The following RNF141 variants were observed in gnomAD, a reference collection of about 807,000 sequenced individuals.
RNF141 encodes the protein C3HC4-like zinc finger protein.
A neutral mutation model predicts 27.4 loss-of-function variants in RNF141; 18 were observed. That is an observed-to-expected ratio of 0.66 (90% CI 0.45 to 0.97). The LOEUF (loss-of-function observed/expected upper bound fraction) is 0.97, where lower values mean the gene tolerates loss of function less well. RNF141 is among the 50% of genes least tolerant of loss of function. RNF141 has a pLI of 0.00. For missense variants in RNF141, 230 were observed against 279.4 expected (o/e 0.82, Z 1.26); for synonymous variants, 97 against 96.6 (o/e 1.00, Z -0.02).
At chr11:10,526,512 G>A (rs1201695444) in intron 3 of RNF141, among the ~76,000 whole-genome samples, 3 of 152,124 alleles carry the variant, frequency 2.0e-5, no homozygotes, top group South Asian at 2.1e-4. Flanking sequence ...GGCCAGGCAC[G>A]GTGGCTCATG....
At chr11:10,527,769 G>A (rs1175785039) in intron 3 of RNF141, among the ~76,000 whole-genome samples, 1 of 152,192 alleles carries the variant, frequency 6.6e-6, no homozygotes, top group Non-Finnish European at 1.5e-5. Context: ...CAGAAGCAGG[G>A]CAAGAGAAGC....
intron 3 of RNF141, among the ~76,000 whole-genome samples, chr11:10,527,854 C>T (rs79433429): frequency 0.084 from 12,822 of 151,854 alleles, 659 homozygotes; most frequent in Admixed American, 0.14. Flanking sequence ...GTGGTAGTAG[C>T]GTAGATGGTG....
chr11:10,520,730 A>G (rs901482650), intron 4 of RNF141, among the ~76,000 whole-genome samples: 2 of 152,256 alleles, frequency 1.3e-5, no homozygotes, highest in Non-Finnish European at 2.9e-5. Context: ...AGGTTTGTTT[A>G]CACCAGCATC....
At chr11:10,532,148 T>C in intron 2 of RNF141, 1 of 242,616 alleles carries the variant, frequency 4.1e-6, no homozygotes, top group Non-Finnish European at 8.3e-6. Flanking sequence ...ACAGGGTTTA[T>C]GAATATAAAT....
rs1404741424 is a variant in RNF141 at position 10,534,023 on chromosome 11, T to G, written c.136A>C (p.Asn46His). ...AAAAAGAGCAAGCCTTACACATCAT[T>G]AAGCTCAGCTACTCTCCCAAGAAAT... Reference protein sequence around the residue: ...EEFLGRVAELNDVTAKVASGQ... With the variant: ...EEFLGRVAELHDVTAKVASGQ... Residue 46 changes from asparagine to histidine, a missense_variant, in exon 2 of 6, where the codon AAT becomes CAT. Coordinates refer to ENST00000265981, the MANE Select transcript of RNF141 (RefSeq NM_016422.4). 4.3e-6 allele frequency: 7 copies of G among 1,613,180 alleles called. No homozygotes were observed. The highest frequency in any genetic ancestry group is 5.9e-6 in the Non-Finnish European group (7 of 1,179,512).
At chr11:10,527,007 C>T (rs1022974136) in intron 3 of RNF141, among the ~76,000 whole-genome samples, 3 of 152,150 alleles carry the variant, frequency 2.0e-5, no homozygotes, top group South Asian at 2.1e-4. Context: ...GCTGAGGAAA[C>T]GGGTAGTCCT....
At position 10,525,903 on chromosome 11, in the gene RNF141, T is replaced by C. The variant is rs561364002; in HGVS notation, c.253-530A>G. On this transcript the variant is annotated intron_variant, in intron 3 of 5. Coordinates refer to ENST00000265981, the MANE Select transcript of RNF141 (RefSeq NM_016422.4). ...CTTTTCCCAGAAGGCCATTTTGAGC[T>C]TTATCAAAAAACTCGTTTAATATGA... Among the ~76,000 whole-genome samples, 17 of 152,264 alleles carry C rather than the reference T, an allele frequency of 1.1e-4. 1 individual carries two copies. In the South Asian group the frequency reaches 3.3e-3, roughly 30 times the overall value.
In RNF141 at chr11:10,538,988, A is replaced by G. The variant is rs375147136; in HGVS notation, c.-48+2134T>C. ...TCAAAGAACTAGCAGCTCTCATATT[A>G]TTGTGCCACCTATAACACAGTCATT... On this transcript the variant is annotated intron_variant, in intron 1 of 5. Coordinates refer to ENST00000265981, the MANE Select transcript of RNF141 (RefSeq NM_016422.4). Among the ~76,000 whole-genome samples the G allele has an allele frequency of 2.4e-4, 37 of 152,322 alleles. No individual in the cohort carries two copies. In the East Asian group the frequency reaches 4.0e-3, roughly 17 times the overall value.
chr11:10,517,075 A>C (rs1849848691), intron 5 of RNF141: 1 of 152,020 alleles, frequency 6.6e-6, no homozygotes, highest in Non-Finnish European at 1.5e-5. Context: ...ACCCAGAACT[A>C]ACACAGATAT....
intron 1 of RNF141, among the ~76,000 whole-genome samples, chr11:10,537,994 A>C (rs1253688715): frequency 6.6e-6 from 1 of 152,220 alleles, no homozygotes; most frequent in Non-Finnish European, 1.5e-5. Flanking sequence ...TTTAACTCAA[A>C]ATAATCCTTA....
chr11:10,520,336 A>C (rs1043435200), intron 4 of RNF141, among the ~76,000 whole-genome samples: 3 of 152,172 alleles, frequency 2.0e-5, no homozygotes, highest in Admixed American at 2.0e-4. Context: ...TCTATTTTTA[A>C]GATTTATTTA....
At chr11:10,536,438 C>T (rs368165664) in intron 1 of RNF141, among the ~76,000 whole-genome samples, 1 of 151,976 alleles carries the variant, frequency 6.6e-6, no homozygotes, top group African/African-American at 2.4e-5. Flanking sequence ...GCCCAATCTG[C>T]GGATGACCAA....
intron 5 of RNF141, 112 bp from the exon 6 acceptor site, chr11:10,515,178 A>C (rs1305211169): frequency 2.6e-6 from 3 of 1,139,622 alleles, no homozygotes; most frequent in Non-Finnish European, 3.7e-6. Context: ...ATAGAAATAT[A>C]TAGTGAAAAA....
At chr11:10,523,047 G>A (rs1037603479) in intron 4 of RNF141, among the ~76,000 whole-genome samples, 1 of 152,216 alleles carries the variant, frequency 6.6e-6, no homozygotes, top group African/African-American at 2.4e-5. Context: ...AGCCATCTGA[G>A]TATGAAAAGG....
chr11:10,532,496 TACACACACACAC>T (rs10559393), intron 2 of RNF141, among the ~76,000 whole-genome samples: 443 of 131,258 alleles, frequency 3.4e-3, no homozygotes, highest in South Asian at 0.014. Flanking sequence ...GTTCATTTTC[TACACACACACAC>T]ACACACACAC....
At chr11:10,525,129 AAT>A in intron 4 of RNF141, 61 bp downstream of exon 4, 1 of 1,271,900 alleles carries the variant, frequency 7.9e-7, no homozygotes, top group African/African-American at 1.5e-5. Context: ...CAAAAATATT[AAT>A]AGATTTCAGT....
intron 3 of RNF141, among the ~76,000 whole-genome samples, chr11:10,528,767 A>G (rs1009523867): frequency 2.0e-5 from 3 of 152,208 alleles, no homozygotes; most frequent in Non-Finnish European, 4.4e-5. Flanking sequence ...TGTTCACTTA[A>G]TATATACTGA....
intron 5 of RNF141, among the ~76,000 whole-genome samples, chr11:10,518,141 G>A (rs1335388018): frequency 2.0e-5 from 3 of 152,264 alleles, no homozygotes; most frequent in African/African-American, 4.8e-5. Flanking sequence ...TATGCTGCTA[G>A]TGGGGGTGTA....
At chr11:10,536,397 T>C (rs116886144) in intron 1 of RNF141, among the ~76,000 whole-genome samples, 2 of 152,222 alleles carry the variant, frequency 1.3e-5, no homozygotes, top group East Asian at 3.9e-4. Context: ...CTGTTTAACA[T>C]TTTTGTTGAT....
Sources: allele counts gnomAD v4.1 joint callset (sites outside exome capture counted in the v4.1 genomes callset), GRCh38; gene constraint gnomAD v4.1.1; transcripts MANE v1.5; gene names NCBI Gene and HGNC (gene_info 2026-07-23, HGNC 2026-07-21).